Variants in NALF2 observed in about 807,000 individuals in gnomAD.
The protein encoded by NALF2 is bB57D9.1 (TED protein).
NALF2 carries 1 observed loss-of-function variant against 24.8 expected under a neutral mutation model. That is an observed-to-expected ratio of 0.04 (90% CI 0.01 to 0.19). The LOEUF (loss-of-function observed/expected upper bound fraction) is 0.19. Among genes scored for constraint, NALF2 ranks in the 10% least tolerant of loss-of-function variants. The pLI, the probability that NALF2 is intolerant of heterozygous loss-of-function variation, is 1.00. For missense variants in NALF2, 458 were observed against 409.6 expected (o/e 1.12, Z -1.02); for synonymous variants, 254 against 189.8 (o/e 1.34, Z -2.78).
intron 1 of NALF2, among the ~76,000 whole-genome samples, chrX:69,511,124 C>T (rs947798651): frequency 2.7e-5 from 3 of 110,312 alleles, no homozygotes; most frequent in African/African-American, 1.0e-4. Context: ...CCTCCAACCC[C>T]TGCCCCTCCT....
chrX:69,510,553 G>A (rs1454833713), intron 1 of NALF2, among the ~76,000 whole-genome samples: 1 of 112,539 alleles, frequency 8.9e-6, no homozygotes, highest in Non-Finnish European at 1.9e-5. Flanking sequence ...TTGCAGTCAG[G>A]AAGCAGTGCC....
In NALF2 at chrX:69,530,611, G is replaced by A. The variant is rs1024265050; in HGVS notation, c.*655G>A. On this transcript the variant is annotated 3_prime_UTR_variant, in exon 3 of 3. Coordinates refer to ENST00000252338, the MANE Select transcript of NALF2 (RefSeq NM_015686.3). ...AAGGGGTACAGAATGAATGGTGAAA[G>A]AGAGTGGAGATACGGAAGGGGGAGA... 1.8e-5 allele frequency: 2 copies of A among 112,759 alleles called. No individual in the cohort carries two copies. Among genetic ancestry groups the A allele is most frequent in the Non-Finnish European group, 3.7e-5 (2 of 53,420 alleles). 9.3% of individuals were successfully genotyped at this position (112,759 alleles called of 1,213,427 possible). A position where few individuals can be genotyped will look rare whatever the true frequency, so the allele number is the denominator to read the frequency against.
In NALF2 at chrX:69,504,486, G is replaced by A. The variant is rs1930414075; in HGVS notation, c.-797G>A. Among the ~76,000 whole-genome samples, 1 of 113,504 alleles carries A rather than the reference G, an allele frequency of 8.8e-6. No homozygotes were observed. Among genetic ancestry groups the A allele is most frequent in the Non-Finnish European group, 1.9e-5 (1 of 53,330 alleles). On this transcript the variant is annotated 5_prime_UTR_variant, in exon 1 of 3. Coordinates refer to ENST00000252338, the MANE Select transcript of NALF2 (RefSeq NM_015686.3). ...AGCCACGGGGCCGTGCCGCTGGGCT[G>A]CAGCCACAGCGGTGCGAACGAGAGG...
intron 1 of NALF2, among the ~76,000 whole-genome samples, chrX:69,519,696 A>T (rs1371047507): frequency 8.9e-6 from 1 of 112,210 alleles, no homozygotes; most frequent in Non-Finnish European, 1.9e-5. Flanking sequence ...AAATACAGGG[A>T]CTCATCTGAA....
intron 1 of NALF2, among the ~76,000 whole-genome samples, chrX:69,507,652 G>A (rs1208292114): frequency 9.0e-6 from 1 of 111,001 alleles, no homozygotes; most frequent in Admixed American, 9.6e-5. Context: ...TCAGAGACAC[G>A]CAGGCAGAAG....
chrX:69,505,295 G>C lies in NALF2; in HGVS notation c.13G>C (p.Ala5Pro). The C allele has an allele frequency of 8.7e-7, 1 of 1,154,547 alleles. No individual in the cohort carries two copies. Among genetic ancestry groups the C allele is most frequent in the South Asian group, 2.0e-5 (1 of 51,255 alleles). ...ACCCCCCTGAAATATGTTCAGGGGC[G>C]CTTGGATGTGGCCCGGGAAAGACGC... MFRG[A>P]WMWPGKDAAA... The change falls in exon 1 of 3, where the codon GCT becomes CCT. Residue 5 changes from alanine to proline, a missense_variant. By Grantham distance (27) the Ala-to-Pro change is conservative. Transcript: ENST00000252338.
Position 69,517,109 on chromosome X carries a change from C to T in NALF2, c.861+10966C>T, listed in dbSNP as rs1185510856. Among the ~76,000 whole-genome samples, 5 of 111,362 alleles carry T rather than the reference C, an allele frequency of 4.5e-5. No individual in the cohort carries two copies. In the Admixed American group the frequency reaches 4.8e-4, roughly 11 times the overall value. ...CAATATGAGTATAAGAGTTTAGACA[C>T]CGAAGTCCAGATTAACCTGACTTCA... On this transcript the variant is annotated intron_variant, in intron 1 of 2. Transcript: ENST00000252338.
intron 1 of NALF2, among the ~76,000 whole-genome samples, chrX:69,522,055 G>A (rs1930742638): frequency 8.9e-6 from 1 of 112,147 alleles, no homozygotes; most frequent in African/African-American, 3.2e-5. Context: ...TGCGAGTGAA[G>A]CCACAAGGAG....
intron 1 of NALF2, among the ~76,000 whole-genome samples, chrX:69,512,835 C>T (rs939534676): frequency 9.0e-6 from 1 of 111,640 alleles, no homozygotes. Flanking sequence ...AGGTAGTGCC[C>T]AGCTGGCTAC....
At chrX:69,515,452 T>A (rs1327493675) in intron 1 of NALF2, among the ~76,000 whole-genome samples, 1 of 112,610 alleles carries the variant, frequency 8.9e-6, no homozygotes, top group Non-Finnish European at 1.9e-5. Context: ...TTACCAACTT[T>A]CTTTCAAATT....
intron 1 of NALF2, among the ~76,000 whole-genome samples, chrX:69,520,989 G>A (rs1040711095): frequency 2.7e-5 from 3 of 111,893 alleles, no homozygotes; most frequent in Non-Finnish European, 5.6e-5. Flanking sequence ...ACAGAAGTCC[G>A]AAAAGTTAGT....
chrX:69,518,508 C>G (rs1272447405), intron 1 of NALF2, among the ~76,000 whole-genome samples: 1 of 110,416 alleles, frequency 9.1e-6, no homozygotes, highest in Non-Finnish European at 1.9e-5. Context: ...ACTGTTTCTT[C>G]TGATATTTAC....
chrX:69,506,470 C>G (rs1930489570), intron 1 of NALF2, among the ~76,000 whole-genome samples: 1 of 113,318 alleles, frequency 8.8e-6, no homozygotes. Context: ...TGTGCTCCCC[C>G]CAGCCTCCAT....
chrX:69,513,948 T>C (rs1249897649), intron 1 of NALF2, among the ~76,000 whole-genome samples: 2 of 111,395 alleles, frequency 1.8e-5, no homozygotes, highest in Non-Finnish European at 3.8e-5. Flanking sequence ...ATCCCAGCAC[T>C]TTTGGAGGTC....
chrX:69,507,349 G>C (rs908321870), intron 1 of NALF2, among the ~76,000 whole-genome samples: 2 of 111,456 alleles, frequency 1.8e-5, no homozygotes, highest in Non-Finnish European at 3.8e-5. Context: ...GAAGGAAAAG[G>C]GTAGTTCCTC....
At chrX:69,526,348 A>G (rs1268768493) in intron 1 of NALF2, among the ~76,000 whole-genome samples, 1 of 111,509 alleles carries the variant, frequency 9.0e-6, no homozygotes, top group Non-Finnish European at 1.9e-5. Context: ...CTGCTTCTCT[A>G]CTTGCTTCCC....
chrX:69,513,714 C>T (rs961075473), intron 1 of NALF2, among the ~76,000 whole-genome samples: 1 of 105,162 alleles, frequency 9.5e-6, no homozygotes, highest in East Asian at 2.9e-4. Flanking sequence ...GGAAAAAAGT[C>T]CCAGAGCACT....
chrX:69,526,926 A>G (rs891651598), intron 1 of NALF2, among the ~76,000 whole-genome samples: 3 of 112,474 alleles, frequency 2.7e-5, no homozygotes, highest in African/African-American at 9.7e-5. Flanking sequence ...TTAATTCTAA[A>G]TGCATCAAAG....
intron 1 of NALF2, among the ~76,000 whole-genome samples, chrX:69,523,060 G>A (rs1333192920): frequency 8.9e-6 from 1 of 112,443 alleles, no homozygotes; most frequent in Non-Finnish European, 1.9e-5. Context: ...CAGGCTCTGC[G>A]GCTGCAGCTC....
Sources: gnomAD v4.1 joint callset for allele counts (sites outside exome capture counted in the v4.1 genomes callset) on GRCh38, gnomAD v4.1.1 for gene constraint, MANE v1.5 for transcripts, NCBI Gene and HGNC (gene_info 2026-07-23, HGNC 2026-07-21) for gene names.